Variants in CYB5R4 observed in about 807,000 individuals in gnomAD.
CYB5R4 encodes cytochrome b5 reductase 4.
A neutral mutation model predicts 70.2 loss-of-function variants in CYB5R4; 55 were observed. That is an observed-to-expected ratio of 0.78 (90% CI 0.63 to 0.98). CYB5R4 has a LOEUF of 0.98. CYB5R4 is among the 50% of genes least tolerant of loss of function. The pLI is 0.00. For missense variants in CYB5R4, 562 were observed against 612.6 expected (o/e 0.92, Z 0.87); for synonymous variants, 197 against 199.5 (o/e 0.99, Z 0.11).
chr6:83,911,713 T>G (rs1261282841), intron 4 of CYB5R4, among the ~76,000 whole-genome samples: 1 of 152,030 alleles, frequency 6.6e-6, no homozygotes, highest in East Asian at 1.9e-4. Flanking sequence ...CAATAACACC[T>G]CCTGTATACC....
intron 5 of CYB5R4, among the ~76,000 whole-genome samples, chr6:83,915,911 T>C (rs1450536531): frequency 6.6e-6 from 1 of 152,198 alleles, no homozygotes; most frequent in East Asian, 1.9e-4. Flanking sequence ...CGACATTCAA[T>C]CAACCAATAC....
intron 2 of CYB5R4, among the ~76,000 whole-genome samples, chr6:83,872,036 A>G (rs2129129117): frequency 6.6e-6 from 1 of 152,156 alleles, no homozygotes; most frequent in South Asian, 2.1e-4. Flanking sequence ...TGATATAGCT[A>G]GTTTAAGATT....
chr6:83,899,995 T>G (rs1288892846), intron 3 of CYB5R4, among the ~76,000 whole-genome samples: 1 of 152,198 alleles, frequency 6.6e-6, no homozygotes, highest in Non-Finnish European at 1.5e-5. Context: ...TAGTTATTTC[T>G]TGCCTTCTGC....
At chr6:83,887,270 G>A (rs1310287875) in intron 2 of CYB5R4, among the ~76,000 whole-genome samples, 1 of 152,156 alleles carries the variant, frequency 6.6e-6, no homozygotes, top group Non-Finnish European at 1.5e-5. Flanking sequence ...GATAAAGCCT[G>A]TGCTGGATGA....
chr6:83,910,739 A>G (rs2099464544), intron 4 of CYB5R4, among the ~76,000 whole-genome samples: 1 of 152,158 alleles, frequency 6.6e-6, no homozygotes, highest in South Asian at 2.1e-4. Flanking sequence ...AATAACTGAC[A>G]AATTGCAGAG....
At chr6:83,935,333 T>C (rs1470016115) in intron 11 of CYB5R4, among the ~76,000 whole-genome samples, 1 of 152,194 alleles carries the variant, frequency 6.6e-6, no homozygotes, top group Non-Finnish European at 1.5e-5. Flanking sequence ...TCAGCTGTAG[T>C]GTTTCTGGCA....
At chr6:83,899,323 T>C (rs1267619275) in intron 3 of CYB5R4, among the ~76,000 whole-genome samples, 1 of 152,196 alleles carries the variant, frequency 6.6e-6, no homozygotes, top group East Asian at 1.9e-4. Flanking sequence ...GCCGACTTGA[T>C]CATGGTGGAT....
intron 10 of CYB5R4, among the ~76,000 whole-genome samples, chr6:83,925,025 C>T (rs2099467054): frequency 6.6e-6 from 1 of 152,102 alleles, no homozygotes; most frequent in Non-Finnish European, 1.5e-5. Flanking sequence ...GTATTAGTCT[C>T]TTCTCACATG....
intron 4 of CYB5R4, among the ~76,000 whole-genome samples, 167 bp from the exon 5 acceptor site, chr6:83,914,249 G>A (rs2099465137): frequency 6.6e-6 from 1 of 152,106 alleles, no homozygotes; most frequent in Admixed American, 6.5e-5. Flanking sequence ...AAACTTACTT[G>A]TTTAAAACAA....
chr6:83,880,215 C>T (rs1285470115), intron 2 of CYB5R4, among the ~76,000 whole-genome samples: 1 of 152,124 alleles, frequency 6.6e-6, no homozygotes, highest in Non-Finnish European at 1.5e-5. Flanking sequence ...CTATTGATCA[C>T]CTCAAATATT....
At chr6:83,945,885 C>T (rs2099470525) in intron 14 of CYB5R4, among the ~76,000 whole-genome samples, 1 of 152,120 alleles carries the variant, frequency 6.6e-6, no homozygotes, top group Non-Finnish European at 1.5e-5. Flanking sequence ...GAAGCTGAAT[C>T]CTTGAATAGA....
chr6:83,921,192 T>A lies in CYB5R4; in HGVS notation c.658+17T>A. The A allele has an allele frequency of 6.8e-7, 1 of 1,463,420 alleles. No homozygotes were observed. Among genetic ancestry groups the A allele is most frequent in the Non-Finnish European group, 9.2e-7 (1 of 1,086,230 alleles). 90.7% of individuals were successfully genotyped at this position (1,463,420 alleles called of 1,614,324 possible). ...TACATATTGGTGAGTACTTTATTAT[T>A]ATTAATGGAAAGAGCTCTGGTTTTC... is the stretch of plus-strand genomic sequence containing the variant. On this transcript the variant is annotated intron_variant, in intron 8 of 15. Coordinates refer to ENST00000369681, the MANE Select transcript of CYB5R4 (RefSeq NM_016230.4).
At chr6:83,918,345 G>C (rs1311802268) in intron 6 of CYB5R4, among the ~76,000 whole-genome samples, 2 of 151,814 alleles carry the variant, frequency 1.3e-5, no homozygotes, top group Non-Finnish European at 2.9e-5. Context: ...TACATTAATG[G>C]TAGAAAACTT....
In CYB5R4 at chr6:83,909,115, G is replaced by A. The variant is rs141663158; in HGVS notation, c.412+25G>A. ...GGTAAGTGGTGCTGGTGCTAAACCA[G>A]CATGGATGTGTGGTGCACATGTATT... On this transcript the variant is annotated intron_variant, in intron 4 of 15. Coordinates refer to ENST00000369681, the MANE Select transcript of CYB5R4 (RefSeq NM_016230.4). 4 of 1,588,686 alleles carry A rather than the reference G, an allele frequency of 2.5e-6. No homozygotes were observed. In the African/African-American group the frequency reaches 4.0e-5, roughly 16 times the overall value.
At chr6:83,958,959 T>G (rs1355927319) in intron 15 of CYB5R4, among the ~76,000 whole-genome samples, 1 of 152,170 alleles carries the variant, frequency 6.6e-6, no homozygotes, top group Admixed American at 6.5e-5. Flanking sequence ...TATTTCTGCT[T>G]TTCCTGTTCA....
chr6:83,870,443 GT>G (rs61532875), intron 2 of CYB5R4, among the ~76,000 whole-genome samples: 27,613 of 141,640 alleles, frequency 0.19, 5,482 homozygotes, highest in African/African-American at 0.5. Flanking sequence ...TTATCTAACC[GT>G]TTTTTTTTTT....
intron 3 of CYB5R4, among the ~76,000 whole-genome samples, chr6:83,899,520 G>A (rs2099462503): frequency 6.6e-6 from 1 of 152,134 alleles, no homozygotes; most frequent in Admixed American, 6.5e-5. Flanking sequence ...CTATTGATTG[G>A]AATAGTTTCA....
chr6:83,919,459 A>G lies in CYB5R4; in HGVS notation c.564+5A>G, dbSNP rs779597808. 3.5e-6 allele frequency: 5 copies of G among 1,442,340 alleles called. No individual in the cohort carries two copies. Among genetic ancestry groups the G allele is most frequent in the Non-Finnish European group, 4.7e-6 (5 of 1,054,570 alleles). 89.3% of individuals were successfully genotyped at this position (1,442,340 alleles called of 1,614,324 possible). A position where few individuals can be genotyped will look rare whatever the true frequency, so the allele number is the denominator to read the frequency against. On this transcript the variant is annotated splice_donor_5th_base_variant and intron_variant, in intron 7 of 15. Transcript: ENST00000369681. Reference sequence around the variant, plus strand: ...GCCATATATACTAAACAGAAGGTAAATATGTCTTTAAAATCAGAAAAGAAG... The same window carrying G: ...GCCATATATACTAAACAGAAGGTAAGTATGTCTTTAAAATCAGAAAAGAAG...
At chr6:83,938,283 A>G (rs910972874) in intron 12 of CYB5R4, among the ~76,000 whole-genome samples, 3 of 152,162 alleles carry the variant, frequency 2.0e-5, no homozygotes, top group Non-Finnish European at 4.4e-5. Context: ...ATTTACGGAG[A>G]TTTTTGCGAA....
Sources: allele counts gnomAD v4.1 joint callset (sites outside exome capture counted in the v4.1 genomes callset), GRCh38; gene constraint gnomAD v4.1.1; transcripts MANE v1.5; gene names NCBI Gene and HGNC (gene_info 2026-07-23, HGNC 2026-07-21).